Variants in KCNJ16 observed in about 807,000 individuals in gnomAD.
The protein encoded by KCNJ16 is potassium inwardly rectifying channel subfamily J member 16.
In KCNJ16, 15 loss-of-function variants were observed where a neutral mutation model predicts 18.5. That is an observed-to-expected ratio of 0.81 (90% confidence interval 0.54 to 1.25). KCNJ16 has a LOEUF of 1.25. Ranked by LOEUF, KCNJ16 falls within the 50% of genes most tolerant of loss-of-function variation. KCNJ16 has a pLI of 0.00. For synonymous variants in KCNJ16, 174 were observed against 186.5 expected (o/e 0.93, Z 0.55); for missense variants, 523 against 525.7 (o/e 0.99, Z 0.05).
At position 70,133,108 on chromosome 17, in the gene KCNJ16, G is replaced by A; in HGVS notation, c.1021G>A (p.Ala341Thr). Residue 341 changes from alanine (A) to threonine (T), a missense_variant, in exon 4 of 4, where the codon GCC (alanine) becomes ACC (threonine). Coordinates refer to ENST00000392671, the MANE Select transcript of KCNJ16 (RefSeq NM_170741.4). Reference protein sequence around the residue: ...SVEVYAPFCSAKQLDWKDQQL... With the variant: ...SVEVYAPFCSTKQLDWKDQQL... ...GGAAGTATATGCCCCCTTTTGCAGT[G>A]CCAAGCAATTGGACTGGAAAGACCA... The A allele has an allele frequency of 6.2e-7, 1 of 1,614,166 alleles. No individual in the cohort carries two copies. The highest frequency in any genetic ancestry group is 1.1e-5 in the South Asian group (1 of 91,082).
intron 3 of KCNJ16, chr17:70,131,205 AAAAAG>A (rs2074045603): frequency 1.9e-5 from 14 of 751,236 alleles, no homozygotes; most frequent in Non-Finnish European, 2.3e-5. Flanking sequence ...AAAAAAAAAA[AAAAAG>A]AAAGAAAGAA....
At chr17:70,078,398 C>T (rs774726304) in intron 1 of KCNJ16, among the ~76,000 whole-genome samples, 8 of 152,162 alleles carry the variant, frequency 5.3e-5, no homozygotes, top group African/African-American at 1.7e-4. Context: ...AAAAAGATCA[C>T]CTCCATTCCT....
At chr17:70,110,100 C>T (rs879023399) in intron 2 of KCNJ16, among the ~76,000 whole-genome samples, 1 of 152,166 alleles carries the variant, frequency 6.6e-6, no homozygotes, top group Admixed American at 6.5e-5. Flanking sequence ...TTTTCTGCTT[C>T]CCAGTCTCAG....
chr17:70,080,219 T>C (rs1439142189), intron 1 of KCNJ16, among the ~76,000 whole-genome samples: 4 of 152,184 alleles, frequency 2.6e-5, no homozygotes, highest in Non-Finnish European at 4.4e-5. Context: ...GTAGTTCATA[T>C]GTATGAGTCC....
chr17:70,086,474 C>A lies in KCNJ16; in HGVS notation c.-300+11084C>A, dbSNP rs556437591. On this transcript the variant is annotated intron_variant, in intron 1 of 3. Transcript: ENST00000392671. Reference sequence around the variant, plus strand: ...GTTCTGTGAATAAAAGAAAACTGCACTGCTTAAGACAAAAAGCTGTTAAGA... The same window carrying A: ...GTTCTGTGAATAAAAGAAAACTGCAATGCTTAAGACAAAAAGCTGTTAAGA... Among the ~76,000 whole-genome samples, 13 of 152,264 alleles carry A rather than the reference C, an allele frequency of 8.5e-5. No individual in the cohort carries two copies. The East Asian group carries it at 2.5e-3, about 29-fold the overall frequency.
At chr17:70,114,006 T>C (rs948629749) in intron 2 of KCNJ16, among the ~76,000 whole-genome samples, 4 of 152,170 alleles carry the variant, frequency 2.6e-5, no homozygotes, top group African/African-American at 9.6e-5. Context: ...TAGCTTAAGG[T>C]ATTGTCTCAA....
At chr17:70,091,286 A>T (rs1356754980) in intron 1 of KCNJ16, among the ~76,000 whole-genome samples, 1 of 152,194 alleles carries the variant, frequency 6.6e-6, no homozygotes, top group Non-Finnish European at 1.5e-5. Flanking sequence ...ATTGAAGTCA[A>T]AACACAACTT....
intron 1 of KCNJ16, among the ~76,000 whole-genome samples, chr17:70,083,107 T>G (rs965768885): frequency 6.6e-6 from 1 of 151,398 alleles, no homozygotes; most frequent in African/African-American, 2.4e-5. Flanking sequence ...CAGGCTAGAG[T>G]GCAGTGGCAC....
At chr17:70,091,087 T>C (rs566833695) in intron 1 of KCNJ16, among the ~76,000 whole-genome samples, 28 of 152,268 alleles carry the variant, frequency 1.8e-4, no homozygotes, top group African/African-American at 6.0e-4. Context: ...TACTTGACTT[T>C]CATCCATCTA....
chr17:70,118,273 A>G (rs2073490972), intron 2 of KCNJ16, among the ~76,000 whole-genome samples: 1 of 152,064 alleles, frequency 6.6e-6, no homozygotes, highest in Non-Finnish European at 1.5e-5. Context: ...TTCGGGGGCT[A>G]GGGAAGGGAT....
chr17:70,112,419 G>T (rs1186904742), intron 2 of KCNJ16, among the ~76,000 whole-genome samples: 1 of 150,330 alleles, frequency 6.7e-6, no homozygotes, highest in East Asian at 2.0e-4. Context: ...AATTACATGA[G>T]ATTTGGGAGT....
intron 1 of KCNJ16, among the ~76,000 whole-genome samples, chr17:70,078,454 G>A (rs1013629003): frequency 4.6e-5 from 7 of 152,074 alleles, no homozygotes; most frequent in East Asian, 1.9e-4. Context: ...ACTCCAAATG[G>A]TTACATGGCT....
Position 70,133,417 on chromosome 17 carries a change from G to A in KCNJ16, c.*73G>A, listed in dbSNP as rs981600639. The A allele has an allele frequency of 5.1e-6, 7 of 1,372,486 alleles. No individual in the cohort carries two copies. The highest frequency in any genetic ancestry group is 7.0e-6 in the Non-Finnish European group (7 of 998,658). The allele number at this position is 1,372,486 out of a possible 1,614,324, so 85.0% of individuals were successfully genotyped here. ...AGCCAATCAAGTCGTTGTAAACGTG[G>A]CTTTTTTGAAAGTGTTATGGCTATG... On this transcript the variant is annotated 3_prime_UTR_variant, in exon 4 of 4. Coordinates refer to ENST00000392671, the MANE Select transcript of KCNJ16 (RefSeq NM_170741.4).
At chr17:70,094,315 G>A (rs1452236640) in intron 1 of KCNJ16, among the ~76,000 whole-genome samples, 2 of 152,134 alleles carry the variant, frequency 1.3e-5, no homozygotes, top group African/African-American at 4.8e-5. Context: ...CTGTCTTTAG[G>A]TCTTTATTTT....
At chr17:70,110,881 T>C (rs913727653) in intron 2 of KCNJ16, among the ~76,000 whole-genome samples, 1 of 152,206 alleles carries the variant, frequency 6.6e-6, no homozygotes, top group Non-Finnish European at 1.5e-5. Context: ...TCCTTGCCGA[T>C]GTTTTAGATT....
chr17:70,087,699 T>A (rs1224992536), intron 1 of KCNJ16, among the ~76,000 whole-genome samples: 1 of 151,968 alleles, frequency 6.6e-6, no homozygotes, highest in Non-Finnish European at 1.5e-5. Context: ...AGACTGAGAC[T>A]CTGTCTCAAA....
intron 2 of KCNJ16, among the ~76,000 whole-genome samples, chr17:70,115,891 C>T (rs932071832): frequency 6.6e-6 from 1 of 152,136 alleles, no homozygotes; most frequent in African/African-American, 2.4e-5. Context: ...AATGTCTGTA[C>T]GACTGTCTGC....
rs1300416061 is a variant in KCNJ16, at chr17:70,134,930, C to CTTTTCTT, written c.*1598_*1604dup. On this transcript the variant is annotated 3_prime_UTR_variant, in exon 4 of 4. Coordinates refer to ENST00000392671, the MANE Select transcript of KCNJ16 (RefSeq NM_170741.4). ...GATAGAGTGCCTTTCTGTTTCTTTT[C>CTTTTCTT]TTTTCTTTTTTCTTTTTTTGTTCTT... The CTTTTCTT allele has an allele frequency of 4.2e-5, 7 of 165,596 alleles. No homozygotes were observed. The highest frequency in any genetic ancestry group is 8.8e-5 in the Non-Finnish European group (6 of 67,906). The allele number at this position is 165,596 out of a possible 1,614,324, so 10.3% of individuals were successfully genotyped here. A position where few individuals can be genotyped will look rare whatever the true frequency, so the allele number is the denominator to read the frequency against.
At chr17:70,078,058 T>G (rs959439389) in intron 1 of KCNJ16, among the ~76,000 whole-genome samples, 6 of 152,064 alleles carry the variant, frequency 3.9e-5, no homozygotes, top group Admixed American at 3.3e-4. Flanking sequence ...ACACAAGGGG[T>G]GGATGACTTT....
Sources: gnomAD v4.1 joint callset for allele counts (sites outside exome capture counted in the v4.1 genomes callset) on GRCh38, gnomAD v4.1.1 for gene constraint, MANE v1.5 for transcripts, NCBI Gene and HGNC (gene_info 2026-07-23, HGNC 2026-07-21) for gene names.